CTDSPL2: variants seen among roughly 807,000 people sequenced by gnomAD.
CTDSPL2 encodes the protein CTD small phosphatase-like protein 2.
A neutral mutation model predicts 60.0 loss-of-function variants in CTDSPL2; 5 were observed. The ratio of observed to expected loss-of-function variants is 0.08; its 90% CI spans 0.04 to 0.18. The LOEUF is 0.18. CTDSPL2 is among the 10% of genes least tolerant of loss of function. The pLI, the probability that CTDSPL2 is intolerant of heterozygous loss-of-function variation, is 1.00. For synonymous variants in CTDSPL2, 186 were observed against 189.3 expected (o/e 0.98, Z 0.14); for missense variants, 370 against 548.8 (o/e 0.67, Z 3.26).
At chr15:44,438,952 T>C (rs1455640332) in intron 1 of CTDSPL2, among the ~76,000 whole-genome samples, 1 of 152,072 alleles carries the variant, frequency 6.6e-6, no homozygotes. Context: ...ACAACCAGTG[T>C]TGTGAACAAG....
At chr15:44,501,874 A>C in intron 8 of CTDSPL2, 1 of 396,506 alleles carries the variant, frequency 2.5e-6, no homozygotes, top group East Asian at 7.4e-5. Flanking sequence ...TTAAAAAATA[A>C]ATGAAGAAAT....
In CTDSPL2 at chr15:44,525,144, A is replaced by T. The variant is rs113514222; in HGVS notation, c.*970A>T. On this transcript the variant is annotated 3_prime_UTR_variant, in exon 13 of 13. Transcript: ENST00000260327. ...CTTTGGTTTTCTCCAGGAATGAAGT[A>T]TTCAGCACAGTGACTCAGTATTTTT... The T allele has an allele frequency of 5.8e-3, 1,963 of 337,504 alleles. 8 individuals carry two copies. Among genetic ancestry groups the T allele is most frequent in the Non-Finnish European group, 8.1e-3 (1,520 of 187,308 alleles). 20.9% of individuals were successfully genotyped at this position (337,504 alleles called of 1,614,324 possible). A position where few individuals can be genotyped will look rare whatever the true frequency, so the allele number is the denominator to read the frequency against.
chr15:44,507,485 C>A (rs928752447), intron 8 of CTDSPL2, among the ~76,000 whole-genome samples: 2 of 152,130 alleles, frequency 1.3e-5, no homozygotes, highest in Non-Finnish European at 2.9e-5. Flanking sequence ...ACAAATACTA[C>A]CCCCAGCATC....
At chr15:44,432,530 C>T (rs1282768202) in intron 1 of CTDSPL2, among the ~76,000 whole-genome samples, 3 of 152,044 alleles carry the variant, frequency 2.0e-5, no homozygotes, top group African/African-American at 4.8e-5. Context: ...CCATGTTGGC[C>T]AGGCTGTTCT....
At chr15:44,512,982 G>A (rs1478452220) in intron 8 of CTDSPL2, among the ~76,000 whole-genome samples, 2 of 151,334 alleles carry the variant, frequency 1.3e-5, no homozygotes, top group East Asian at 3.9e-4. Flanking sequence ...TGGGGTAGGA[G>A]AATTGCTTGA....
chr15:44,448,640 A>G (rs1409331756), intron 1 of CTDSPL2: 3 of 315,066 alleles, frequency 9.5e-6, no homozygotes, highest in South Asian at 6.0e-5. Flanking sequence ...TCCCTCCTCC[A>G]TTTCTCCCAT....
chr15:44,446,596 C>T (rs2080219768), intron 1 of CTDSPL2, among the ~76,000 whole-genome samples: 1 of 151,574 alleles, frequency 6.6e-6, no homozygotes, highest in Non-Finnish European at 1.5e-5. Context: ...AACCACTGCA[C>T]TCCAGCCTGG....
chr15:44,526,277 GAA>G lies in CTDSPL2; in HGVS notation c.*2104_*2105del, dbSNP rs1010532012. The G allele has an allele frequency of 1.3e-5, 2 of 151,994 alleles. No homozygotes were observed. The highest frequency in any genetic ancestry group is 2.9e-5 in the Non-Finnish European group (2 of 67,954). The allele number at this position is 151,994 out of a possible 1,614,324, so 9.4% of individuals were successfully genotyped here. A position where few individuals can be genotyped will look rare whatever the true frequency, so the allele number is the denominator to read the frequency against. Reference sequence around the variant, plus strand: ...GCGAAACCCAAAACTTAAAAGATCTGAACTTTCAGCATGCATTCTGATTGCTG... The same window carrying G: ...GCGAAACCCAAAACTTAAAAGATCTGCTTTCAGCATGCATTCTGATTGCTG... On this transcript the variant is annotated 3_prime_UTR_variant, in exon 13 of 13. Coordinates refer to ENST00000260327, the MANE Select transcript of CTDSPL2 (RefSeq NM_016396.3).
chr15:44,491,109 G>T, intron 5 of CTDSPL2, 110 bp downstream of exon 5: 1 of 769,896 alleles, frequency 1.3e-6, no homozygotes, highest in Non-Finnish European at 2.0e-6. Flanking sequence ...TTTTCTTCCT[G>T]GAAGTTAAGA....
chr15:44,463,816 CTT>C (rs967904724), intron 2 of CTDSPL2, among the ~76,000 whole-genome samples: 1 of 152,088 alleles, frequency 6.6e-6, no homozygotes, highest in African/African-American at 2.4e-5. Context: ...GTGTCATTGT[CTT>C]TTTCAAAATT....
chr15:44,449,574 G>A (rs1384814044), intron 1 of CTDSPL2, among the ~76,000 whole-genome samples: 2 of 152,150 alleles, frequency 1.3e-5, no homozygotes, highest in Admixed American at 6.5e-5. Flanking sequence ...CAGGCAGTCC[G>A]CCCACCTCGG....
chr15:44,478,430 C>A (rs1444923687), intron 2 of CTDSPL2, among the ~76,000 whole-genome samples: 2 of 101,944 alleles, frequency 2.0e-5, no homozygotes, highest in Non-Finnish European at 3.5e-5. Context: ...TCAGCCTGGG[C>A]AAGAAGAGCA....
intron 1 of CTDSPL2, among the ~76,000 whole-genome samples, chr15:44,442,612 G>A (rs568150327): frequency 6.6e-6 from 1 of 151,984 alleles, no homozygotes; most frequent in Non-Finnish European, 1.5e-5. Context: ...AATTTTACTT[G>A]GTCCCTTTTT....
chr15:44,446,982 A>G (rs1295498827), intron 1 of CTDSPL2, among the ~76,000 whole-genome samples: 1 of 151,894 alleles, frequency 6.6e-6, no homozygotes, highest in Non-Finnish European at 1.5e-5. Context: ...CTCGAACTCC[A>G]GACCTCGTGA....
chr15:44,438,205 A>G (rs2080014854), intron 1 of CTDSPL2, among the ~76,000 whole-genome samples: 1 of 151,642 alleles, frequency 6.6e-6, no homozygotes, highest in African/African-American at 2.4e-5. Flanking sequence ...TGGAGCTTGC[A>G]GTGAGCTGAG....
intron 8 of CTDSPL2, among the ~76,000 whole-genome samples, chr15:44,512,160 C>G (rs1252674839): frequency 6.6e-6 from 1 of 151,752 alleles, no homozygotes; most frequent in East Asian, 1.9e-4. Context: ...TGCACCACTG[C>G]ACTCCAACCT....
intron 1 of CTDSPL2, among the ~76,000 whole-genome samples, chr15:44,441,008 A>T (rs1424105189): frequency 6.6e-6 from 1 of 152,098 alleles, no homozygotes; most frequent in Non-Finnish European, 1.5e-5. Flanking sequence ...ATCAGTTCTC[A>T]GCGTTTGGCT....
chr15:44,490,979 G>T lies in CTDSPL2; in HGVS notation c.671G>T (p.Arg224Leu), dbSNP rs754627394. The change falls in exon 5 of 13, where the codon CGT (arginine) becomes CTT (leucine). Residue 224 changes from arginine (R) to leucine (L), a missense_variant. By Grantham distance (102) the Arg-to-Leu change is moderately radical. This residue lies in a region of CTDSPL2 where 287 missense variants were observed against 296.1 expected (regional missense o/e 0.97). Coordinates refer to ENST00000260327, the MANE Select transcript of CTDSPL2 (RefSeq NM_016396.3). ...GAAGAAGCAGAAGAAACAGTTAATC[G>T]TGATATCCCACCCCTTACAGGTGAA... The part of the protein sequence containing the change: ...GLEEAEETVN[R>L]DIPPLTAPVT... 1 of 1,613,810 alleles carries T rather than the reference G, an allele frequency of 6.2e-7. No homozygotes were observed. Among genetic ancestry groups the T allele is most frequent in the African/African-American group, 1.3e-5 (1 of 74,910 alleles).
rs533101745 is a variant in CTDSPL2 at position 44,502,377 on chromosome 15, T to C, written c.969+2564T>C. On this transcript the variant is annotated intron_variant, in intron 8 of 12. Coordinates refer to ENST00000260327, the MANE Select transcript of CTDSPL2 (RefSeq NM_016396.3). ...TGGTATATTTGTTATGGTTGACCTA[T>C]AACTAATTTTAACTCTACATGTTAT... 7.9e-5 allele frequency among the ~76,000 whole-genome samples: 12 copies of C among 152,252 alleles called. No individual in the cohort carries two copies. The East Asian group carries it at 2.1e-3, about 27-fold the overall frequency.
Sources: allele counts gnomAD v4.1 joint callset (sites outside exome capture counted in the v4.1 genomes callset), GRCh38; gene constraint gnomAD v4.1.1; regional missense constraint gnomAD v4.1.1; transcripts MANE v1.5; gene names NCBI Gene and HGNC (gene_info 2026-07-23, HGNC 2026-07-21).